The following WRN variants were observed in gnomAD, a reference collection of about 807,000 sequenced individuals.
The protein encoded by WRN is bifunctional 3'-5' exonuclease/ATP-dependent helicase WRN.
In WRN, 149 loss-of-function variants were observed where a neutral mutation model predicts 180.7. The ratio of observed to expected loss-of-function variants is 0.82; its 90% CI spans 0.72 to 0.94. The LOEUF (loss-of-function observed/expected upper bound fraction) is 0.94. Ranked by LOEUF, WRN falls within the 40% of genes least tolerant of loss-of-function variation. The pLI is 0.00. For missense variants in WRN, 1,661 were observed against 1,700.1 expected (o/e 0.98, Z 0.40); for synonymous variants, 548 against 568.9 (o/e 0.96, Z 0.52).
intron 31 of WRN, 142 bp downstream of exon 31, chr8:31,150,597 T>C: frequency 2.7e-6 from 2 of 734,270 alleles, no homozygotes; most frequent in Non-Finnish European, 4.7e-6. Flanking sequence ...AAATTGTTTT[T>C]ACAGTCAATC....
chr8:31,051,513 G>T (rs1465561390), intron 1 of WRN, among the ~76,000 whole-genome samples: 1 of 152,182 alleles, frequency 6.6e-6, no homozygotes, highest in African/African-American at 2.4e-5. Flanking sequence ...GACTTCAGCA[G>T]ACAACTTGTC....
chr8:31,050,509 CTTTT>C (rs60531883), intron 1 of WRN, among the ~76,000 whole-genome samples: 4 of 133,138 alleles, frequency 3.0e-5, no homozygotes, highest in Admixed American at 2.3e-4. Context: ...GTTTTGGATA[CTTTT>C]TTTTTTTTTT....
chr8:31,145,736 A>G (rs1275573117), intron 28 of WRN, among the ~76,000 whole-genome samples: 1 of 152,162 alleles, frequency 6.6e-6, no homozygotes, highest in Non-Finnish European at 1.5e-5. Context: ...CTTCTGGAAA[A>G]TATTCACTAT....
At chr8:31,040,491 A>G (rs1811609750) in intron 1 of WRN, among the ~76,000 whole-genome samples, 2 of 152,110 alleles carry the variant, frequency 1.3e-5, no homozygotes, top group Admixed American at 6.5e-5. Context: ...CTGAAAAGGG[A>G]TTGTTATACT....
At chr8:31,093,012 A>C (rs947243743) in intron 16 of WRN, among the ~76,000 whole-genome samples, 1 of 152,068 alleles carries the variant, frequency 6.6e-6, no homozygotes, top group African/African-American at 2.4e-5. Flanking sequence ...TGGCGCAATC[A>C]TAGCTTACTG....
chr8:31,105,548 G>C (rs1279427610), intron 18 of WRN, among the ~76,000 whole-genome samples: 1 of 152,100 alleles, frequency 6.6e-6, no homozygotes, highest in African/African-American at 2.4e-5. Context: ...TGCAACCTCT[G>C]CCTCCCGGGT....
intron 1 of WRN, among the ~76,000 whole-genome samples, chr8:31,056,462 A>G (rs914488573): frequency 1.3e-5 from 2 of 152,166 alleles, no homozygotes; most frequent in African/African-American, 4.8e-5. Flanking sequence ...TATTTTACAT[A>G]TTTTTTCACT....
intron 23 of WRN, among the ~76,000 whole-genome samples, chr8:31,127,571 G>A (rs919745790): frequency 6.6e-5 from 10 of 151,748 alleles, no homozygotes; most frequent in African/African-American, 2.2e-4. Context: ...AGACAGAATT[G>A]TTTTATGCAC....
chr8:31,162,592 A>C (rs1294346535), intron 33 of WRN, among the ~76,000 whole-genome samples: 2 of 152,226 alleles, frequency 1.3e-5, no homozygotes, highest in Non-Finnish European at 2.9e-5. Flanking sequence ...AGTATTATAT[A>C]CTGTACATAA....
chr8:31,042,001 T>G (rs1811678966), intron 1 of WRN, among the ~76,000 whole-genome samples: 1 of 152,066 alleles, frequency 6.6e-6, no homozygotes, highest in Non-Finnish European at 1.5e-5. Flanking sequence ...TTTAAACTAG[T>G]CAAGAAGAGA....
intron 18 of WRN, among the ~76,000 whole-genome samples, chr8:31,105,043 C>T (rs891140204): frequency 6.6e-6 from 1 of 152,102 alleles, no homozygotes; most frequent in African/African-American, 2.4e-5. Context: ...TGAGAGGCAT[C>T]TCAAAAATAG....
intron 18 of WRN, among the ~76,000 whole-genome samples, chr8:31,103,403 G>GC (rs1353698957): frequency 6.6e-6 from 1 of 152,224 alleles, no homozygotes; most frequent in Non-Finnish European, 1.5e-5. Context: ...ATTGACAGCA[G>GC]CATCACCACA....
intron 18 of WRN, among the ~76,000 whole-genome samples, chr8:31,103,389 GT>G (rs1800955322): frequency 6.6e-6 from 1 of 152,224 alleles, no homozygotes; most frequent in Admixed American, 6.5e-5. Flanking sequence ...AGTGCAGTAG[GT>G]TTATTGACAG....
intron 4 of WRN, 74 bp from the exon 5 acceptor site, chr8:31,064,841 G>A (rs1454537892): frequency 1.4e-6 from 2 of 1,478,698 alleles, no homozygotes; most frequent in Admixed American, 1.8e-5. Context: ...ACATAAACAT[G>A]GTATGTATAA....
At chr8:31,087,601 C>T (rs1813581047) in intron 11 of WRN, 175 bp from the exon 12 acceptor site, 5 of 601,900 alleles carry the variant, frequency 8.3e-6, no homozygotes, top group Middle Eastern at 4.7e-4. Flanking sequence ...CCTTAGAAAC[C>T]ATTCATGAGC....
chr8:31,035,961 A>G (rs149513160), intron 1 of WRN, among the ~76,000 whole-genome samples: 2 of 152,030 alleles, frequency 1.3e-5, no homozygotes. Context: ...AAACCCTATG[A>G]TATTCCTTCT....
intron 18 of WRN, among the ~76,000 whole-genome samples, chr8:31,101,171 A>G (rs1407293875): frequency 1.3e-5 from 2 of 152,236 alleles, no homozygotes; most frequent in Non-Finnish European, 2.9e-5. Flanking sequence ...AAAGGACCAG[A>G]TAATAAATAT....
chr8:31,119,322 C>G (rs948427550), intron 20 of WRN, among the ~76,000 whole-genome samples: 4 of 151,924 alleles, frequency 2.6e-5, no homozygotes, highest in Non-Finnish European at 2.9e-5. Flanking sequence ...ACTTCTGTTT[C>G]CCATTCACAA....
chr8:31,117,438 G>T (rs1801565588), intron 20 of WRN, among the ~76,000 whole-genome samples: 1 of 152,146 alleles, frequency 6.6e-6, no homozygotes, highest in Non-Finnish European at 1.5e-5. Context: ...AAAGGGTATC[G>T]ATGCAGCTAT....
Sources: gnomAD v4.1 joint callset for allele counts (sites outside exome capture counted in the v4.1 genomes callset) on GRCh38, gnomAD v4.1.1 for gene constraint, MANE v1.5 for transcripts, NCBI Gene and HGNC (gene_info 2026-07-23, HGNC 2026-07-21) for gene names.